The following TRIM26 variants were observed in gnomAD, a reference collection of about 807,000 sequenced individuals.
TRIM26 encodes tripartite motif-containing protein 26.
A neutral mutation model predicts 45.5 loss-of-function variants in TRIM26; 16 were observed. The ratio of observed to expected loss-of-function variants is 0.35; its 90% confidence interval spans 0.24 to 0.53. The LOEUF is 0.53. Ranked by LOEUF, TRIM26 falls within the 20% of genes least tolerant of loss-of-function variation. The pLI is 0.92. For missense variants in TRIM26, 442 were observed against 691.1 expected (o/e 0.64, Z 4.04); for synonymous variants, 273 against 290.4 (o/e 0.94, Z 0.61).
chr6:30,186,927 T>C lies in TRIM26; in HGVS notation c.938-369A>G, dbSNP rs964992728. On this transcript the variant is annotated intron_variant, in intron 9 of 9. Coordinates refer to ENST00000454678, the MANE Select transcript of TRIM26 (RefSeq NM_003449.5). The surrounding 1 kb of genome is among the most constrained non-coding windows in gnomAD (Gnocchi z 7.4). ...ACCAGTCCCTGAAAAATCTGTTCCATTTTCTTCATAATCCAGAAAAAAAGT... is the reference window on the plus strand; with the variant it reads ...ACCAGTCCCTGAAAAATCTGTTCCACTTTCTTCATAATCCAGAAAAAAAGT... The C allele has an allele frequency of 4.5e-5, 26 of 577,092 alleles. No homozygotes were observed. The African/African-American group carries it at 4.8e-4, about 11-fold the overall frequency. The allele number at this position is 577,092 out of a possible 1,614,324, so 35.7% of individuals were successfully genotyped here.
chr6:30,206,751 T>G (rs903079693), intron 1 of TRIM26, among the ~76,000 whole-genome samples: 1 of 152,220 alleles, frequency 6.6e-6, no homozygotes, highest in East Asian at 1.9e-4. Context: ...ACTTAGGATC[T>G]CCAGAGGTGG....
chr6:30,199,236 CTCAG>C lies in TRIM26; in HGVS notation c.-137_-134del, dbSNP rs971457457. 7.8e-6 allele frequency: 6 copies of C among 768,892 alleles called. No homozygotes were observed. The highest frequency in any genetic ancestry group is 1.7e-5 in the African/African-American group (1 of 57,154). 47.6% of individuals were successfully genotyped at this position (768,892 alleles called of 1,614,324 possible). ...CTGCACAGGGCTGCCAGCTCCAGCACTCAGTCAATCGACAGACACCACCAGCTCC... is the reference window on the plus strand; with the variant it reads ...CTGCACAGGGCTGCCAGCTCCAGCACTCAATCGACAGACACCACCAGCTCC... On this transcript the variant is annotated 5_prime_UTR_variant, in exon 4 of 10. Coordinates refer to ENST00000454678, the MANE Select transcript of TRIM26 (RefSeq NM_003449.5).
intron 2 of TRIM26, among the ~76,000 whole-genome samples, chr6:30,202,802 T>C (rs1300818078): frequency 6.6e-6 from 1 of 152,170 alleles, no homozygotes; most frequent in African/African-American, 2.4e-5. Context: ...TCCAGAATGC[T>C]GGACATTGCA....
intron 1 of TRIM26, among the ~76,000 whole-genome samples, chr6:30,210,287 C>T (rs146708442): frequency 9.3e-4 from 142 of 152,172 alleles, no homozygotes; most frequent in Non-Finnish European, 1.5e-3. Context: ...GCCCCAAATC[C>T]CTCCTCGTCC....
chr6:30,193,194 T>TTC (rs1776121182), intron 6 of TRIM26, among the ~76,000 whole-genome samples: 1 of 54,464 alleles, frequency 1.8e-5, no homozygotes, highest in Non-Finnish European at 3.4e-5. Flanking sequence ...TTTTTTTTTT[T>TTC]TTTTTTTAAT....
chr6:30,196,816 T>C lies in TRIM26; in HGVS notation c.535-70A>G. ...GGTGGAGGGCCCAGTGCTGGAGGTG[T>C]GCAAGGCTGGCTCGTTCACCTCGCT... On this transcript the variant is annotated intron_variant, in intron 5 of 9. Coordinates refer to ENST00000454678, the MANE Select transcript of TRIM26 (RefSeq NM_003449.5). The surrounding 1 kb of genome is among the most constrained non-coding windows in gnomAD (Gnocchi z 4.9). The C allele has an allele frequency of 6.5e-7, 1 of 1,529,790 alleles. No individual in the cohort carries two copies. The highest frequency in any genetic ancestry group is 1.1e-5 in the South Asian group (1 of 87,944). The allele number at this position is 1,529,790 out of a possible 1,614,324, so 94.8% of individuals were successfully genotyped here. A position where few individuals can be genotyped will look rare whatever the true frequency, so the allele number is the denominator to read the frequency against.
Position 30,207,451 on chromosome 6 carries a change from A to G in TRIM26, c.-375-2686T>C, listed in dbSNP as rs761131871. ...CAAACCCTCAAGGGTTTCCTGATTT[A>G]CATAAACCTCCTCTCCCCTTTGCTG... On this transcript the variant is annotated intron_variant, in intron 1 of 9. Transcript: ENST00000454678. This position sits in a 1 kb window ranked among gnomAD's most constrained non-coding sequence, Gnocchi z 4.9. 1.3e-5 allele frequency among the ~76,000 whole-genome samples: 2 copies of G among 152,190 alleles called. No homozygotes were observed. Among genetic ancestry groups the G allele is most frequent in the Non-Finnish European group, 2.9e-5 (2 of 68,034 alleles).
At position 30,186,354 on chromosome 6, in the gene TRIM26, T is replaced by C. The variant is rs777976163; in HGVS notation, c.1142A>G (p.Glu381Gly). 151 of 1,612,702 alleles carry C rather than the reference T, an allele frequency of 9.4e-5. No homozygotes were observed. Among genetic ancestry groups the C allele is most frequent in the Non-Finnish European group, 1.2e-4 (146 of 1,179,844 alleles). Reference protein sequence around the residue: ...EVEVEREGWSEDEEEGDEEEE... With the variant: ...EVEVEREGWSGDEEEGDEEEE... Reference sequence around the variant, plus strand: ...CTCCTCATCCCCCTCTTCTTCATCCTCAGACCAGCCCTCCCTCTCCACTTC... The same window carrying C: ...CTCCTCATCCCCCTCTTCTTCATCCCCAGACCAGCCCTCCCTCTCCACTTC... The change falls in exon 10 of 10, where the codon GAG becomes GGG. Residue 381 changes from glutamate to glycine, a missense_variant. Glu to Gly is a moderately conservative substitution (Grantham distance 98, BLOSUM62 -2). Coordinates refer to ENST00000454678, the MANE Select transcript of TRIM26 (RefSeq NM_003449.5). The surrounding 1 kb of genome is among the most constrained non-coding windows in gnomAD (Gnocchi z 7.4).
In TRIM26 at chr6:30,196,013, T is replaced by C. The variant is rs1776424697; in HGVS notation, c.765+503A>G. Among the ~76,000 whole-genome samples, 1 of 152,210 alleles carries C rather than the reference T, an allele frequency of 6.6e-6. No individual in the cohort carries two copies. Among genetic ancestry groups the C allele is most frequent in the Non-Finnish European group, 1.5e-5 (1 of 68,022 alleles). On this transcript the variant is annotated intron_variant, in intron 6 of 9. Coordinates refer to ENST00000454678, the MANE Select transcript of TRIM26 (RefSeq NM_003449.5). The surrounding 1 kb of genome is among the most constrained non-coding windows in gnomAD (Gnocchi z 4.9). ...CTTGTCTGCTTTCCATCTTGTTCTC[T>C]GTGTGGTAATCCCATGGGCCAAAGA...
chr6:30,212,785 T>C (rs915502389), intron 1 of TRIM26, among the ~76,000 whole-genome samples: 12 of 152,008 alleles, frequency 7.9e-5, no homozygotes, highest in African/African-American at 2.9e-4. Flanking sequence ...TCCCATTTAC[T>C]CCACAGAGTT....
rs914831401 is a variant in TRIM26 at position 30,189,888 on chromosome 6, T to C, written c.788+125A>G. ...CCTGCTCCTCAGAAGGGCATCAGGA[T>C]GAACCATGGGATGTGAGTACCTCTG... On this transcript the variant is annotated intron_variant, in intron 7 of 9. Coordinates refer to ENST00000454678, the MANE Select transcript of TRIM26 (RefSeq NM_003449.5). The surrounding 1 kb of genome is among the most constrained non-coding windows in gnomAD (Gnocchi z 5.0). 2.6e-6 allele frequency: 3 copies of C among 1,164,688 alleles called. No homozygotes were observed. Among genetic ancestry groups the C allele is most frequent in the Non-Finnish European group, 3.8e-6 (3 of 785,728 alleles). 72.1% of individuals were successfully genotyped at this position (1,164,688 alleles called of 1,614,324 possible).
Position 30,207,041 on chromosome 6 carries a change from T to C in TRIM26, c.-375-2276A>G, listed in dbSNP as rs1213497622. ...TGCCCATATGGAGTGCTGTGGAGGGTTAGCCTCACAGGCAGAGGAAATCAT... is the reference window on the plus strand; with the variant it reads ...TGCCCATATGGAGTGCTGTGGAGGGCTAGCCTCACAGGCAGAGGAAATCAT... On this transcript the variant is annotated intron_variant, in intron 1 of 9. Transcript: ENST00000454678. The surrounding 1 kb of genome is among the most constrained non-coding windows in gnomAD (Gnocchi z 4.9). Among the ~76,000 whole-genome samples, 2 of 152,154 alleles carry C rather than the reference T, an allele frequency of 1.3e-5. No homozygotes were observed. The highest frequency in any genetic ancestry group is 2.4e-5 in the African/African-American group (1 of 41,428).
At position 30,193,851 on chromosome 6, in the gene TRIM26, T is replaced by A. The variant is rs181884622; in HGVS notation, c.765+2665A>T. Among the ~76,000 whole-genome samples the A allele has an allele frequency of 1.8e-4, 27 of 152,338 alleles. 1 individual carries two copies. The highest frequency in any genetic ancestry group is 1.8e-3 in the Admixed American group (27 of 15,304). On this transcript the variant is annotated intron_variant, in intron 6 of 9. Transcript: ENST00000454678. ...TTGTAGCTATTGTAAATGGGGTTGC[T>A]TTCTTGATGTCTTTTTTAGCTAGTT...
Position 30,198,951 on chromosome 6 carries a change from G to C in TRIM26, c.153C>G (p.Pro51=). The change falls in exon 4 of 10, where the codon CCC becomes CCG. Residue 51 remains proline, a synonymous_variant. Transcript: ENST00000454678. The surrounding 1 kb of genome is among the most constrained non-coding windows in gnomAD (Gnocchi z 6.3). ...AAGGCTTCTTGCAGAGTGGGCAGAC[G>C]GGGCGGCTCCCTGAGATGGGGCGGA... ...TDVRPISGSR[P]VCPLCKKPFK... is the part of the protein sequence containing the mutation. 1 of 1,612,840 alleles carries C rather than the reference G, an allele frequency of 6.2e-7. No homozygotes were observed. The highest frequency in any genetic ancestry group is 1.1e-5 in the South Asian group (1 of 91,056).
Position 30,189,562 on chromosome 6 carries a change from T to C in TRIM26, c.789-29A>G. 1 of 1,559,690 alleles carries C rather than the reference T, an allele frequency of 6.4e-7. No individual in the cohort carries two copies. Among genetic ancestry groups the C allele is most frequent in the Non-Finnish European group, 8.8e-7 (1 of 1,131,940 alleles). ...AGAAGATGACATACATAACAAGCTG[T>C]TACTCAGCTCTTCTTACTTTCCTTC... On this transcript the variant is annotated intron_variant, in intron 7 of 9. Coordinates refer to ENST00000454678, the MANE Select transcript of TRIM26 (RefSeq NM_003449.5). This position sits in a 1 kb window ranked among gnomAD's most constrained non-coding sequence, Gnocchi z 5.0.
chr6:30,190,346 G>T lies in TRIM26; in HGVS notation c.766-311C>A. The T allele has an allele frequency of 2.0e-6, 1 of 498,210 alleles. No homozygotes were observed. The highest frequency in any genetic ancestry group is 1.9e-5 in the African/African-American group (1 of 51,910). 30.9% of individuals were successfully genotyped at this position (498,210 alleles called of 1,614,324 possible). ...GAGAGGTAAGGTAAAACAGGAAAGG[G>T]CTTGGTGAGAACGGCAGAGGCCAGA... On this transcript the variant is annotated intron_variant, in intron 6 of 9. Coordinates refer to ENST00000454678, the MANE Select transcript of TRIM26 (RefSeq NM_003449.5). The surrounding 1 kb of genome is among the most constrained non-coding windows in gnomAD (Gnocchi z 4.3).
At chr6:30,210,567 G>A (rs1466350918) in intron 1 of TRIM26, among the ~76,000 whole-genome samples, 1 of 152,036 alleles carries the variant, frequency 6.6e-6, no homozygotes, top group Admixed American at 6.6e-5. Flanking sequence ...CCCCCCATCC[G>A]CTAAAGATAC....
At chr6:30,212,915 CAAAAAAA>C (rs3059548) in intron 1 of TRIM26, among the ~76,000 whole-genome samples, 22 of 130,292 alleles carry the variant, frequency 1.7e-4, no homozygotes, top group African/African-American at 4.9e-4. Flanking sequence ...TTACTCCGAA[CAAAAAAA>C]AAAAAAAAAA....
Position 30,189,246 on chromosome 6 carries a change from G to A in TRIM26, c.905-47C>T. On this transcript the variant is annotated intron_variant, in intron 8 of 9. Coordinates refer to ENST00000454678, the MANE Select transcript of TRIM26 (RefSeq NM_003449.5). The surrounding 1 kb of genome is among the most constrained non-coding windows in gnomAD (Gnocchi z 5.0). The stretch of plus-strand genomic sequence containing the variant: ...AATGACTCAAGTCCCGAAAATTTAT[G>A]AGCCCATTTCTTGCTCGGGCAGTAT... 3 of 1,612,574 alleles carry A rather than the reference G, an allele frequency of 1.9e-6. No individual in the cohort carries two copies. Among genetic ancestry groups the A allele is most frequent in the Non-Finnish European group, 2.5e-6 (3 of 1,179,662 alleles).
Sources: gnomAD v4.1 joint callset for allele counts (sites outside exome capture counted in the v4.1 genomes callset) on GRCh38, gnomAD v4.1.1 for gene constraint, Gnocchi (gnomAD v3.1) non-coding constraint, MANE v1.5 for transcripts, NCBI Gene and HGNC (gene_info 2026-07-23, HGNC 2026-07-21) for gene names.